Variants in ANKRD29 observed in about 807,000 individuals in gnomAD.
The protein encoded by ANKRD29 is ankyrin repeat domain-containing protein 29.
A neutral mutation model predicts 38.0 loss-of-function variants in ANKRD29; 32 were observed. That is an observed-to-expected ratio of 0.84 (90% confidence interval 0.64 to 1.13). The LOEUF is 1.13. Ranked by LOEUF, ANKRD29 falls within the 50% of genes most tolerant of loss-of-function variation. ANKRD29 has a pLI of 0.00. For synonymous variants in ANKRD29, 135 were observed against 152.4 expected (o/e 0.89, Z 0.84); for missense variants, 357 against 377.9 (o/e 0.94, Z 0.46).
chr18:23,614,371 T>C (rs1458116944), intron 8 of ANKRD29, among the ~76,000 whole-genome samples: 1 of 152,116 alleles, frequency 6.6e-6, no homozygotes, highest in Admixed American at 6.6e-5. Flanking sequence ...CAGGAGTTTT[T>C]AAAAAGCCAA....
In ANKRD29 at chr18:23,649,071, G is replaced by A. The variant is rs764786589; in HGVS notation, c.132+12C>T. On this transcript the variant is annotated intron_variant, in intron 2 of 9. Coordinates refer to ENST00000592179, the MANE Select transcript of ANKRD29 (RefSeq NM_173505.4). ...GGTGCATGCTGGGCATGCATCTACC[G>A]AACCACCGTACGCTGTCTCTGCAGT... 57 of 1,610,894 alleles carry A rather than the reference G, an allele frequency of 3.5e-5. No individual in the cohort carries two copies. Among genetic ancestry groups the A allele is most frequent in the Admixed American group, 5.0e-5 (3 of 59,514 alleles).
In ANKRD29 at chr18:23,615,701, C is replaced by T. The variant is rs149752111; in HGVS notation, c.723+2031G>A. On this transcript the variant is annotated intron_variant, in intron 8 of 9. Coordinates refer to ENST00000592179, the MANE Select transcript of ANKRD29 (RefSeq NM_173505.4). ...TGCTGGGATTACAGGTGTGAGCCAC[C>T]GCACTGGGCCTTTTTGTTGTATTTT... 7.1e-3 allele frequency among the ~76,000 whole-genome samples: 1,082 copies of T among 152,020 alleles called. 9 individuals are homozygous for T. The highest frequency in any genetic ancestry group is 0.024 in the African/African-American group (1,014 of 41,450).
chr18:23,632,089 A>T (rs1329989069), intron 5 of ANKRD29, among the ~76,000 whole-genome samples: 4 of 152,218 alleles, frequency 2.6e-5, no homozygotes, highest in African/African-American at 7.2e-5. Flanking sequence ...GCGTCAGCAG[A>T]GCTGCCAAAC....
intron 5 of ANKRD29, among the ~76,000 whole-genome samples, chr18:23,632,533 G>A (rs60977343): frequency 0.59 from 75,186 of 127,892 alleles, 22,986 homozygotes; most frequent in Middle Eastern, 0.72. Flanking sequence ...GTGTGTGTGT[G>A]TATATATATA....
Position 23,600,085 on chromosome 18 carries a change from G to A in ANKRD29, c.*1141C>T, listed in dbSNP as rs2059494405. On this transcript the variant is annotated 3_prime_UTR_variant, in exon 10 of 10. Transcript: ENST00000592179. ...AGAAGGTTTTATTTTTGTATGTGCA[G>A]TTAGGCACTGACTGAGGCATTTAGA... is the stretch of plus-strand genomic sequence containing the variant. 6.6e-6 allele frequency: 1 copy of A among 152,448 alleles called. No individual in the cohort carries two copies. The highest frequency in any genetic ancestry group is 2.1e-4 in the South Asian group (1 of 4,836). The allele number at this position is 152,448 out of a possible 1,614,324, so 9.4% of individuals were successfully genotyped here.
At chr18:23,639,293 T>A (rs2060042275) in intron 3 of ANKRD29, among the ~76,000 whole-genome samples, 1 of 152,148 alleles carries the variant, frequency 6.6e-6, no homozygotes, top group African/African-American at 2.4e-5. Context: ...ACAAGTGTCC[T>A]TCTAAGAGTG....
Position 23,619,554 on chromosome 18 carries a change from C to G in ANKRD29, c.604G>C (p.Ala202Pro). 6.3e-7 allele frequency: 1 copy of G among 1,596,328 alleles called. No individual in the cohort carries two copies. Among genetic ancestry groups the G allele is most frequent in the Non-Finnish European group, 8.5e-7 (1 of 1,178,512 alleles). The change falls in exon 7 of 10, where the codon GCC (alanine) becomes CCC (proline). Residue 202 changes from alanine to proline, a missense_variant. Ala to Pro is a conservative substitution (Grantham distance 27). Coordinates refer to ENST00000592179, the MANE Select transcript of ANKRD29 (RefSeq NM_173505.4). ...ACGTTCCGCGCAGCGTCGCGGTCGG[C>G]TCCGCGCAGCAGCATCACCCGCACC... Reference protein sequence around the residue: ...EVVRVMLLRGADRDAARNDGT... With the variant: ...EVVRVMLLRGPDRDAARNDGT...
chr18:23,619,850 T>C (rs1003678744), intron 6 of ANKRD29: 3 of 473,780 alleles, frequency 6.3e-6, no homozygotes, highest in South Asian at 4.0e-5. Context: ...GAGCCTGGGC[T>C]ACTTGAATAA....
At chr18:23,616,181 T>C (rs965564677) in intron 8 of ANKRD29, among the ~76,000 whole-genome samples, 1 of 150,292 alleles carries the variant, frequency 6.7e-6, no homozygotes, top group African/African-American at 2.4e-5. Context: ...ATACATACTG[T>C]ATGTATATAA....
chr18:23,600,827 A>C lies in ANKRD29; in HGVS notation c.*399T>G, dbSNP rs2059502187. On this transcript the variant is annotated 3_prime_UTR_variant, in exon 10 of 10. Transcript: ENST00000592179. The stretch of plus-strand genomic sequence containing the variant: ...TTAACACAAAAGCAAAAGTGCCTCA[A>C]TCCATTGAAGGTCAGCTTTTCAGTC... 1 of 159,120 alleles carries C rather than the reference A, an allele frequency of 6.3e-6. No homozygotes were observed. Among genetic ancestry groups the C allele is most frequent in the Admixed American group, 6.1e-5 (1 of 16,520 alleles). The allele number at this position is 159,120 out of a possible 1,614,324, so 9.9% of individuals were successfully genotyped here. A position where few individuals can be genotyped will look rare whatever the true frequency, so the allele number is the denominator to read the frequency against.
At chr18:23,605,065 C>T (rs933002435) in intron 9 of ANKRD29, among the ~76,000 whole-genome samples, 7 of 151,668 alleles carry the variant, frequency 4.6e-5, no homozygotes, top group African/African-American at 1.5e-4. Flanking sequence ...GGATTACAGG[C>T]GCCCACCACT....
chr18:23,630,342 G>A (rs1385125382), intron 5 of ANKRD29, among the ~76,000 whole-genome samples: 1 of 152,112 alleles, frequency 6.6e-6, no homozygotes, highest in Non-Finnish European at 1.5e-5. Flanking sequence ...CAGGAGAATC[G>A]CTTGCACCTG....
At chr18:23,638,290 G>A (rs747741522) in intron 4 of ANKRD29, among the ~76,000 whole-genome samples, 20 of 151,976 alleles carry the variant, frequency 1.3e-4, no homozygotes, top group Non-Finnish European at 2.1e-4. Flanking sequence ...ATGAACCACC[G>A]CGCCTAGCCA....
intron 1 of ANKRD29, among the ~76,000 whole-genome samples, chr18:23,649,811 C>T (rs144487908): frequency 0.016 from 2,476 of 152,246 alleles, 76 homozygotes; most frequent in African/African-American, 0.057. Flanking sequence ...CTCACTGCAA[C>T]CTCCCCTTCC....
intron 5 of ANKRD29, among the ~76,000 whole-genome samples, chr18:23,630,928 T>C (rs903128849): frequency 4.8e-5 from 7 of 144,332 alleles, no homozygotes; most frequent in Non-Finnish European, 1.0e-4. Flanking sequence ...GTTTGGGCCA[T>C]TGCACTCCAG....
intron 9 of ANKRD29, among the ~76,000 whole-genome samples, chr18:23,604,966 G>T (rs1053603127): frequency 3.3e-5 from 5 of 152,064 alleles, no homozygotes; most frequent in Admixed American, 2.0e-4. Flanking sequence ...TGTCGCCCAG[G>T]CTGGAGTGCA....
intron 9 of ANKRD29, among the ~76,000 whole-genome samples, chr18:23,610,394 C>G (rs2059626526): frequency 6.6e-6 from 1 of 152,202 alleles, no homozygotes; most frequent in Non-Finnish European, 1.5e-5. Flanking sequence ...AGGAGAATTG[C>G]TTGAACCTGG....
chr18:23,629,479 G>A (rs1056198370), intron 6 of ANKRD29, among the ~76,000 whole-genome samples: 3 of 152,206 alleles, frequency 2.0e-5, no homozygotes, highest in African/African-American at 4.8e-5. Context: ...TATCAGCAGG[G>A]GCCAGGCTAC....
At chr18:23,630,603 A>G (rs1273292324) in intron 5 of ANKRD29, among the ~76,000 whole-genome samples, 1 of 152,142 alleles carries the variant, frequency 6.6e-6, no homozygotes, top group African/African-American at 2.4e-5. Flanking sequence ...CCTGGGCAAC[A>G]GAGTGAGACT....
Sources: allele counts gnomAD v4.1 joint callset (sites outside exome capture counted in the v4.1 genomes callset), GRCh38; gene constraint gnomAD v4.1.1; transcripts MANE v1.5; gene names NCBI Gene and HGNC (gene_info 2026-07-23, HGNC 2026-07-21).